SPTAN1: variants seen among roughly 807,000 people sequenced by gnomAD.
SPTAN1 encodes the protein spectrin alpha chain, non-erythrocytic 1.
Under a neutral mutation model 331.3 loss-of-function variants are expected in SPTAN1, and 61 were observed. The ratio of observed to expected loss-of-function variants is 0.18; its 90% CI spans 0.15 to 0.23. The LOEUF (loss-of-function observed/expected upper bound fraction) is 0.23, where lower values mean the gene tolerates loss of function less well. SPTAN1 is among the 10% of genes least tolerant of loss of function. The pLI is 1.00. For missense variants in SPTAN1, 2,043 were observed against 3,147.9 expected, an observed-to-expected ratio of 0.65 and a Z score of 8.40; for synonymous variants, 1,153 against 1,173.9, an observed-to-expected ratio of 0.98 and a Z score of 0.36.
intron 24 of SPTAN1, chr9:128,596,304 T>C (rs1235187786): frequency 1.3e-5 from 2 of 150,340 alleles, no homozygotes; most frequent in Non-Finnish European, 3.0e-5. Context: ...CGAGACAGAG[T>C]CTCTCTCTGT....
intron 39 of SPTAN1, among the ~76,000 whole-genome samples, chr9:128,612,473 C>T (rs1856680564): frequency 6.6e-6 from 1 of 152,156 alleles, no homozygotes; most frequent in African/African-American, 2.4e-5. Flanking sequence ...TCACTCACAT[C>T]CATAGGGAAG....
At chr9:128,619,882 T>C (rs1310562041) in intron 44 of SPTAN1, among the ~76,000 whole-genome samples, 3 of 152,228 alleles carry the variant, frequency 2.0e-5, no homozygotes, top group Non-Finnish European at 4.4e-5. Flanking sequence ...CATCTGCAGC[T>C]GTCACTGGAG....
intron 31 of SPTAN1, among the ~76,000 whole-genome samples, chr9:128,606,734 C>T (rs750322980): frequency 2.6e-5 from 4 of 152,074 alleles, no homozygotes; most frequent in Non-Finnish European, 5.9e-5. Context: ...GATCCACCCA[C>T]CTCGGCCTCC....
chr9:128,618,044 A>C lies in SPTAN1; in HGVS notation c.5536A>C (p.Ile1846Leu). 2 of 1,614,092 alleles carry C rather than the reference A, an allele frequency of 1.2e-6. No individual in the cohort carries two copies. Among genetic ancestry groups the C allele is most frequent in the Non-Finnish European group, 1.7e-6 (2 of 1,180,022 alleles). Reference protein sequence around the residue: ...SDDNTIGKEEIQQRLAQFVEH... With the variant: ...SDDNTIGKEELQQRLAQFVEH... ...TGACAACACCATCGGGAAAGAGGAGATCCAGCAGCGGCTGGCGCAGTTTGT... is the reference window on the plus strand; with the variant it reads ...TGACAACACCATCGGGAAAGAGGAGCTCCAGCAGCGGCTGGCGCAGTTTGT... Residue 1846 changes from isoleucine (I) to leucine (L), a missense_variant, in exon 43 of 57, where the codon ATC (isoleucine) becomes CTC (leucine). Around this residue, in one of 12 missense-constraint regions of SPTAN1, gnomAD observed 323 missense variants for 581.1 expected, o/e 0.56. Transcript: ENST00000372739.
In SPTAN1 at chr9:128,626,707, C is replaced by T; in HGVS notation, c.6576+20C>T. ...ATCAAGGTACACCTCCCGCTGCCCT[C>T]AGGAGCTGCTCGGCCTCCCAGAGCC... On this transcript the variant is annotated intron_variant, in intron 49 of 56. Transcript: ENST00000372739. 1 of 1,590,282 alleles carries T rather than the reference C, an allele frequency of 6.3e-7. No individual in the cohort carries two copies.
rs772771772 is a variant in SPTAN1, at chr9:128,594,283, T to C, written c.3324T>C (p.Asn1108=). Residue 1108 remains asparagine (N), a synonymous_variant, in exon 24 of 57, where the codon AAT becomes AAC. Coordinates refer to ENST00000372739, the MANE Select transcript of SPTAN1 (RefSeq NM_001130438.3). Reference sequence around the variant, plus strand: ...CGAATGAACTACAGCAATGGATCAATGAGAAGGAAGCCGCTCTGACAAGTG... The same window carrying C: ...CGAATGAACTACAGCAATGGATCAACGAGAAGGAAGCCGCTCTGACAAGTG... ...REANELQQWI[N]EKEAALTSEE... is the part of the protein sequence containing the mutation. 1 of 1,613,988 alleles carries C rather than the reference T, an allele frequency of 6.2e-7. No individual in the cohort carries two copies. The highest frequency in any genetic ancestry group is 1.7e-5 in the Admixed American group (1 of 60,002).
chr9:128,594,225 A>G lies in SPTAN1; in HGVS notation c.3266A>G (p.Lys1089Arg). Residue 1089 changes from lysine to arginine, a missense_variant, in exon 24 of 57, where the codon AAG (lysine) becomes AGG (arginine). By Grantham distance (26) the Lys-to-Arg change is conservative. This residue lies in a region of SPTAN1 where 1,038 missense variants were observed against 1,531.5 expected (regional missense o/e 0.68). Transcript: ENST00000372739. The stretch of plus-strand genomic sequence containing the variant: ...GAGAAGCGTAAAGGCATGTTGGAGA[A>G]GAGTTGCAAGAAGTTTATGTTGTTC... ...LGEKRKGMLE[K>R]SCKKFMLFRE... The G allele has an allele frequency of 1.9e-6, 3 of 1,614,166 alleles. No individual in the cohort carries two copies. Among genetic ancestry groups the G allele is most frequent in the Non-Finnish European group, 2.5e-6 (3 of 1,180,044 alleles).
At chr9:128,572,855 C>T in intron 3 of SPTAN1, among the ~76,000 whole-genome samples, 1 of 152,134 alleles carries the variant, frequency 6.6e-6, no homozygotes, top group East Asian at 1.9e-4. Flanking sequence ...GTTGCCTTTT[C>T]CCCCTTGCTT....
chr9:128,610,464 G>T (rs1319539480), intron 37 of SPTAN1, among the ~76,000 whole-genome samples: 4 of 152,134 alleles, frequency 2.6e-5, no homozygotes, highest in East Asian at 1.9e-4. Context: ...TCATGTTAGT[G>T]CTGAATTGAG....
chr9:128,617,341 T>G (rs963322083), intron 41 of SPTAN1, among the ~76,000 whole-genome samples: 2 of 152,168 alleles, frequency 1.3e-5, no homozygotes, highest in African/African-American at 4.8e-5. Context: ...ATGATTGATA[T>G]ATATTGATAT....
intron 34 of SPTAN1, 47 bp from the exon 35 acceptor site, chr9:128,608,827 G>A (rs774056435): frequency 6.3e-7 from 1 of 1,588,498 alleles, no homozygotes; most frequent in South Asian, 1.1e-5. Flanking sequence ...TCCAGGCAGG[G>A]CCCAGCCACA....
rs76781152 is a variant in SPTAN1, at chr9:128,591,778, G to C, written c.3155+153G>C. On this transcript the variant is annotated intron_variant, in intron 22 of 56. Transcript: ENST00000372739. ...CCACTTTGAGCCCACAGACCTCCCTGTGTGGGTCTCAGACCCCTGACTGAT... is the reference window on the plus strand; with the variant it reads ...CCACTTTGAGCCCACAGACCTCCCTCTGTGGGTCTCAGACCCCTGACTGAT... Among the ~76,000 whole-genome samples the C allele has an allele frequency of 0.021, 3,183 of 152,300 alleles. 114 individuals are homozygous for C. The highest frequency in any genetic ancestry group is 0.073 in the African/African-American group (3,018 of 41,552).
intron 1 of SPTAN1, among the ~76,000 whole-genome samples, chr9:128,562,250 G>A (rs1849463166): frequency 6.6e-6 from 1 of 152,032 alleles, no homozygotes; most frequent in African/African-American, 2.4e-5. Context: ...CTACAGGCGC[G>A]TGCCACCACA....
rs757109566 is a variant in SPTAN1, at chr9:128,612,194, A to G, written c.4991A>G (p.Lys1664Arg). The G allele has an allele frequency of 5.9e-5, 95 of 1,614,042 alleles. No homozygotes were observed. Among genetic ancestry groups the G allele is most frequent in the Non-Finnish European group, 7.8e-5 (92 of 1,180,050 alleles). ...AGCCAGAAACTGAAAGAAGCCAACAAGCAGCAGAACTTCAACACAGGGATC... is the reference window on the plus strand; with the variant it reads ...AGCCAGAAACTGAAAGAAGCCAACAGGCAGCAGAACTTCAACACAGGGATC... Reference protein sequence around the residue: ...EKSQKLKEANKQQNFNTGIKD... With the variant: ...EKSQKLKEANRQQNFNTGIKD... The change falls in exon 39 of 57, where the codon AAG becomes AGG. Residue 1664 changes from lysine (K) to arginine (R), a missense_variant. Around this residue, in one of 12 missense-constraint regions of SPTAN1, gnomAD observed 323 missense variants for 581.1 expected, o/e 0.56. Coordinates refer to ENST00000372739, the MANE Select transcript of SPTAN1 (RefSeq NM_001130438.3).
chr9:128,600,186 T>G, intron 27 of SPTAN1, 71 bp downstream of exon 27: 1 of 1,510,158 alleles, frequency 6.6e-7, no homozygotes. Flanking sequence ...TTTTCTGGTG[T>G]GCCTTTCTCT....
At chr9:128,608,399 A>C in intron 34 of SPTAN1, 123 bp downstream of exon 34, 1 of 1,223,824 alleles carries the variant, frequency 8.2e-7, no homozygotes, top group Non-Finnish European at 1.2e-6. Flanking sequence ...AAATATGTAC[A>C]TAAATAATCT....
At chr9:128,631,886 C>T (rs995924907) in intron 52 of SPTAN1, 3 of 564,230 alleles carry the variant, frequency 5.3e-6, no homozygotes, top group African/African-American at 3.7e-5. Context: ...TTGGCGTGCA[C>T]TGCCCTCTGG....
chr9:128,570,321 TATATA>T (rs1850512001), intron 3 of SPTAN1, among the ~76,000 whole-genome samples: 4 of 34,166 alleles, frequency 1.2e-4, no homozygotes, highest in African/African-American at 5.1e-4. Context: ...TATATATATA[TATATA>T]TATATTTTTT....
At position 128,577,290 on chromosome 9, in the gene SPTAN1, GC is replaced by G. The variant is rs1564211538; in HGVS notation, c.930+18del. 4 of 1,614,236 alleles carry G rather than the reference GC, an allele frequency of 2.5e-6. No individual in the cohort carries two copies. The Admixed American group carries it at 6.7e-5, about 27-fold the overall frequency. On this transcript the variant is annotated intron_variant, in intron 7 of 56. Transcript: ENST00000372739. The surrounding 1 kb of genome is among the most constrained non-coding windows in gnomAD (Gnocchi z 4.2). ...GAAGACAAGGTGGGTTTTACAAGCA[GC>G]TGATTCTGTAAATAAGTTACCAAGG...
Sources: gnomAD v4.1 joint callset for allele counts (sites outside exome capture counted in the v4.1 genomes callset) on GRCh38, gnomAD v4.1.1 for gene constraint, gnomAD v4.1.1 regional missense constraint, Gnocchi (gnomAD v3.1) non-coding constraint, MANE v1.5 for transcripts, NCBI Gene and HGNC (gene_info 2026-07-23, HGNC 2026-07-21) for gene names.